Variants in NCAPH2 observed in about 807,000 individuals in gnomAD.
NCAPH2 encodes condensin-2 complex subunit H2.
Under a neutral mutation model 88.6 loss-of-function variants are expected in NCAPH2, and 56 were observed. The observed-to-expected ratio is 0.63, with a 90% confidence interval of 0.51 to 0.79. The LOEUF is 0.79. Ranked by LOEUF, NCAPH2 falls within the 30% of genes least tolerant of loss-of-function variation. The probability of loss-of-function intolerance (pLI) is 0.00; values close to 1 mark genes in which losing one functional copy is unlikely to be tolerated. For synonymous variants in NCAPH2, 378 were observed against 313.6 expected (o/e 1.21, Z -2.17); for missense variants, 794 against 792.0 (o/e 1.00, Z -0.03).
chr22:50,522,602 G>C (rs1394743420), intron 16 of NCAPH2, 33 bp downstream of exon 16: 1 of 1,613,458 alleles, frequency 6.2e-7, no homozygotes, highest in East Asian at 2.2e-5. Flanking sequence ...GTGCTGAGGG[G>C]CCACTGGAGC....
intron 1 of NCAPH2, among the ~76,000 whole-genome samples, chr22:50,511,868 TG>T (rs2068793488): frequency 6.7e-6 from 1 of 148,874 alleles, no homozygotes; most frequent in East Asian, 2.0e-4. Flanking sequence ...AGGATGGTCT[TG>T]GTCTCCTGAC....
At chr22:50,515,673 G>A (rs1484948851) in intron 1 of NCAPH2, 1 of 1,264,964 alleles carries the variant, frequency 7.9e-7, no homozygotes, top group Non-Finnish European at 1.0e-6. Flanking sequence ...TGGGATTACA[G>A]GTGTGAGCCA....
intron 8 of NCAPH2, 80 bp from the exon 9 acceptor site, chr22:50,519,110 G>A (rs2069009379): frequency 2.2e-6 from 3 of 1,342,346 alleles, no homozygotes; most frequent in Admixed American, 2.8e-5. Context: ...GCTGAGGGAG[G>A]AAGTAGCCAT....
At position 50,508,307 on chromosome 22, in the gene NCAPH2, C is replaced by T. The variant is rs764290241; in HGVS notation, c.-31C>T. ...CCGTACCCCTCGGAAGGCAGCCCTG[C>T]GGTCCCTTTGCCGCCCGTTCCCTCC... On this transcript the variant is annotated 5_prime_UTR_variant, in exon 1 of 20. Transcript: ENST00000420993. The T allele has an allele frequency of 3.4e-6, 5 of 1,451,776 alleles. No individual in the cohort carries two copies. The South Asian group carries it at 5.4e-5, about 16-fold the overall frequency. The allele number at this position is 1,451,776 out of a possible 1,614,324, so 89.9% of individuals were successfully genotyped here. A position where few individuals can be genotyped will look rare whatever the true frequency, so the allele number is the denominator to read the frequency against.
chr22:50,515,200 G>A (rs2068882113), intron 1 of NCAPH2, among the ~76,000 whole-genome samples: 1 of 152,184 alleles, frequency 6.6e-6, no homozygotes, highest in South Asian at 2.1e-4. Context: ...GGGACAGCTG[G>A]GGGTCGGTGT....
intron 1 of NCAPH2, among the ~76,000 whole-genome samples, chr22:50,510,850 ATT>A (rs372833039): frequency 1.4e-5 from 2 of 142,712 alleles, no homozygotes; most frequent in African/African-American, 2.6e-5. Flanking sequence ...AACCATTTAA[ATT>A]TTTTTTTTTT....
At position 50,518,281 on chromosome 22, in the gene NCAPH2, G is replaced by A. The variant is rs756457575; in HGVS notation, c.646+3G>A. 3 of 1,611,982 alleles carry A rather than the reference G, an allele frequency of 1.9e-6. No individual in the cohort carries two copies. The highest frequency in any genetic ancestry group is 1.7e-5 in the Admixed American group (1 of 59,838). On this transcript the variant is annotated splice_donor_region_variant and intron_variant, in intron 7 of 19. Coordinates refer to ENST00000420993, the MANE Select transcript of NCAPH2 (RefSeq NM_152299.4). Reference sequence around the variant, plus strand: ...CCCCATGCCAGGGACCCAGAAGGGTGAGGGCTTGGATGCGGGGGGCTTGGT... The same window carrying A: ...CCCCATGCCAGGGACCCAGAAGGGTAAGGGCTTGGATGCGGGGGGCTTGGT...
At chr22:50,510,778 C>G (rs2068760801) in intron 1 of NCAPH2, among the ~76,000 whole-genome samples, 1 of 151,946 alleles carries the variant, frequency 6.6e-6, no homozygotes, top group South Asian at 2.1e-4. Flanking sequence ...GTCAGCTGAC[C>G]ACCCTATCTA....
chr22:50,512,773 C>G (rs1161376651), intron 1 of NCAPH2, among the ~76,000 whole-genome samples: 1 of 152,046 alleles, frequency 6.6e-6, no homozygotes, highest in Non-Finnish European at 1.5e-5. Context: ...CTCAAACTCC[C>G]AAGCTCAAGT....
In NCAPH2 at chr22:50,522,906, C is replaced by T. The variant is rs1285129293; in HGVS notation, c.1511C>T (p.Pro504Leu). The change falls in exon 18 of 20, where the codon CCT becomes CTT. Residue 504 changes from proline to leucine, a missense_variant. This residue lies in a region of NCAPH2 where 735 missense variants were observed against 696.3 expected (regional missense o/e 1.06). Transcript: ENST00000420993. ...RIRDWEDTVQ[P>L]LLQEQEQHVP... Reference sequence around the variant, plus strand: ...AGGGACTGGGAGGACACAGTGCAGCCTCTGCTCCAGGAGCAGGTGAGGCGG... The same window carrying T: ...AGGGACTGGGAGGACACAGTGCAGCTTCTGCTCCAGGAGCAGGTGAGGCGG... 6.2e-7 allele frequency: 1 copy of T among 1,613,192 alleles called. No homozygotes were observed. The highest frequency in any genetic ancestry group is 1.3e-5 in the African/African-American group (1 of 74,928).
chr22:50,512,398 G>C (rs1406469622), intron 1 of NCAPH2, among the ~76,000 whole-genome samples: 1 of 152,136 alleles, frequency 6.6e-6, no homozygotes, highest in African/African-American at 2.4e-5. Flanking sequence ...TCCTGGCTTG[G>C]TCAGCTCCCT....
intron 5 of NCAPH2, 34 bp from the exon 6 acceptor site, chr22:50,517,939 G>A (rs2148662313): frequency 6.2e-7 from 1 of 1,609,022 alleles, no homozygotes; most frequent in Non-Finnish European, 8.5e-7. Flanking sequence ...GAGTGGAAGG[G>A]TGCCTGGCTC....
chr22:50,518,544 G>T (rs1466126353), intron 7 of NCAPH2, 105 bp from the exon 8 acceptor site: 1 of 1,226,412 alleles, frequency 8.2e-7, no homozygotes, highest in Non-Finnish European at 1.1e-6. Context: ...GAGTCTGCTG[G>T]TCTCTGCCCT....
chr22:50,523,082 C>T lies in NCAPH2; in HGVS notation c.1593C>T (p.Leu531=), dbSNP rs755452197. 2.5e-6 allele frequency: 4 copies of T among 1,611,580 alleles called. No homozygotes were observed. The highest frequency in any genetic ancestry group is 1.1e-5 in the South Asian group (1 of 90,944). Residue 531 remains leucine (L), a synonymous_variant, in exon 19 of 20, where the codon CTC becomes CTT. Transcript: ENST00000420993. ...GDQLVSRFPQ[L]NEWCPFAELV... ...AGCTGGTCTCACGGTTCCCCCAGCT[C>T]AATGAGTGGTGTCCCTTTGCGGAGC...
chr22:50,515,313 T>C (rs977462513), intron 1 of NCAPH2, among the ~76,000 whole-genome samples: 1 of 151,982 alleles, frequency 6.6e-6, no homozygotes. Context: ...GTGATCCCAG[T>C]GCTTTGGGAG....
At chr22:50,521,632 C>T (rs756707955) in intron 11 of NCAPH2, 23 bp downstream of exon 11, 1 of 1,612,320 alleles carries the variant, frequency 6.2e-7, no homozygotes, top group East Asian at 2.2e-5. Context: ...AAGGTACCTC[C>T]ACTCAGGTAC....
In NCAPH2 at chr22:50,521,932, C is replaced by T. The variant is rs2069113031; in HGVS notation, c.1109-54C>T. ...GTGGAGGAGGATCAGCACCCTTTTC[C>T]CAATGCTGTGGGCAGCTCTTGGCCT... On this transcript the variant is annotated intron_variant, in intron 12 of 19. Coordinates refer to ENST00000420993, the MANE Select transcript of NCAPH2 (RefSeq NM_152299.4). 2.2e-5 allele frequency: 36 copies of T among 1,613,530 alleles called. No homozygotes were observed. In the South Asian group the frequency reaches 4.0e-4, roughly 18 times the overall value.
chr22:50,515,663 T>TG (rs762790453), intron 1 of NCAPH2: 16 of 1,239,180 alleles, frequency 1.3e-5, no homozygotes, highest in Non-Finnish European at 1.6e-5. Flanking sequence ...CCCAAAGTGC[T>TG]GGGATTACAG....
In NCAPH2 at chr22:50,508,312, C is replaced by G; in HGVS notation, c.-26C>G. The stretch of plus-strand genomic sequence containing the variant: ...CCCCTCGGAAGGCAGCCCTGCGGTC[C>G]CTTTGCCGCCCGTTCCCTCCCGGAC... On this transcript the variant is annotated 5_prime_UTR_variant, in exon 1 of 20. Transcript: ENST00000420993. 6.8e-7 allele frequency: 1 copy of G among 1,468,878 alleles called. No individual in the cohort carries two copies. The highest frequency in any genetic ancestry group is 9.0e-7 in the Non-Finnish European group (1 of 1,111,596). 91.0% of individuals were successfully genotyped at this position (1,468,878 alleles called of 1,614,324 possible).
Sources: allele counts gnomAD v4.1 joint callset (sites outside exome capture counted in the v4.1 genomes callset), GRCh38; gene constraint gnomAD v4.1.1; regional missense constraint gnomAD v4.1.1; transcripts MANE v1.5; gene names NCBI Gene and HGNC (gene_info 2026-07-23, HGNC 2026-07-21).